Variants in ITGB6 observed in about 807,000 individuals in gnomAD.
The protein encoded by ITGB6 is integrin beta-6.
ITGB6 carries 80 observed loss-of-function variants against 84.5 expected under a neutral mutation model. The observed-to-expected ratio is 0.95, with a 90% confidence interval of 0.79 to 1.14. The LOEUF is 1.14. ITGB6 is among the 50% of genes most tolerant of loss of function. ITGB6 has a pLI of 0.00. For synonymous variants in ITGB6, 383 were observed against 354.9 expected (o/e 1.08, Z -0.89); for missense variants, 1,006 against 968.0 (o/e 1.04, Z -0.52).
At chr2:160,155,300 G>A (rs899701102) in intron 7 of ITGB6, among the ~76,000 whole-genome samples, 1 of 152,162 alleles carries the variant, frequency 6.6e-6, no homozygotes, top group Non-Finnish European at 1.5e-5. Context: ...CAGAGGTTGG[G>A]GGCCAGTAAG....
rs1382519914 is a variant in ITGB6, at chr2:160,196,218, G to T, written c.344C>A (p.Pro115Gln). The change falls in exon 3 of 15, where the codon CCA becomes CAA. Residue 115 changes from proline to glutamine, a missense_variant and splice_region_variant. Physicochemically the swap from Pro to Gln is moderately conservative, Grantham distance 76. Coordinates refer to ENST00000283249, the MANE Select transcript of ITGB6 (RefSeq NM_000888.5). Reference protein sequence around the residue: ...APQSLILKLRPGGAQTLQVHV... With the variant: ...APQSLILKLRQGGAQTLQVHV... ...ACATGAGCCAAATCCTAACATACCT[G>T]GTCTCAACTTAAGGATCAAGCTTTG... is the stretch of plus-strand genomic sequence containing the variant. 2 of 1,612,952 alleles carry T rather than the reference G, an allele frequency of 1.2e-6. No homozygotes were observed. The highest frequency in any genetic ancestry group is 4.5e-5 in the East Asian group (2 of 44,844).
Position 160,147,235 on chromosome 2 carries a change from G to T in ITGB6, c.1018-5164C>A, listed in dbSNP as rs560844666. 1.2e-4 allele frequency among the ~76,000 whole-genome samples: 19 copies of T among 152,182 alleles called. No homozygotes were observed. The South Asian group carries it at 3.9e-3, about 32-fold the overall frequency. On this transcript the variant is annotated intron_variant, in intron 7 of 14. Transcript: ENST00000283249. The stretch of plus-strand genomic sequence containing the variant: ...GCTCCCTAGTATCTTCCCTTGTATT[G>T]CCTCCCAGTCATTACTCCTCCCCAC...
At chr2:160,198,931 A>G (rs1686445802) in intron 2 of ITGB6, among the ~76,000 whole-genome samples, 1 of 152,234 alleles carries the variant, frequency 6.6e-6, no homozygotes, top group African/African-American at 2.4e-5. Flanking sequence ...AACCAGGTAA[A>G]ATAAAAAAAT....
intron 2 of ITGB6, 55 bp from the exon 3 acceptor site, chr2:160,196,475 T>C: frequency 6.9e-7 from 1 of 1,449,896 alleles, no homozygotes; most frequent in Non-Finnish European, 9.5e-7. Flanking sequence ...TCTGAATTTC[T>C]TTATAAGATA....
intron 12 of ITGB6, 150 bp from the exon 13 acceptor site, chr2:160,112,349 T>C (rs1574038595): frequency 2.8e-6 from 2 of 718,052 alleles, no homozygotes; most frequent in Non-Finnish European, 2.2e-6. Context: ...TTTTTTCTCA[T>C]GAAGTGAGGT....
intron 10 of ITGB6, among the ~76,000 whole-genome samples, chr2:160,128,776 T>A (rs929159998): frequency 7.2e-5 from 11 of 152,128 alleles, no homozygotes; most frequent in Admixed American, 1.3e-4. Context: ...CACTGCCGTG[T>A]CACCAATGCC....
intron 4 of ITGB6, among the ~76,000 whole-genome samples, chr2:160,175,652 T>C (rs1167101176): frequency 6.6e-6 from 1 of 152,220 alleles, no homozygotes; most frequent in Admixed American, 6.5e-5. Context: ...ATGTGTCTCA[T>C]TGAGAAAATA....
intron 10 of ITGB6, among the ~76,000 whole-genome samples, chr2:160,131,348 A>G (rs1432879178): frequency 1.3e-5 from 2 of 152,196 alleles, no homozygotes; most frequent in Non-Finnish European, 2.9e-5. Flanking sequence ...TTACAGATGG[A>G]TGAAAGAAGC....
intron 12 of ITGB6, among the ~76,000 whole-genome samples, chr2:160,117,503 A>G (rs1057428069): frequency 2.6e-5 from 4 of 152,252 alleles, no homozygotes; most frequent in Non-Finnish European, 4.4e-5. Context: ...TCTCTGGGAC[A>G]CATTCAAAGC....
chr2:160,199,389 G>T, intron 1 of ITGB6, 131 bp from the exon 2 acceptor site: 1 of 624,520 alleles, frequency 1.6e-6, no homozygotes, highest in Non-Finnish European at 2.9e-6. Flanking sequence ...ATCAGTCCTC[G>T]AAATGTTAGC....
Position 160,200,001 on chromosome 2 carries a change from A to G in ITGB6, c.61+2T>C. On this transcript the variant is annotated splice_donor_variant, in intron 1 of 14. Coordinates refer to ENST00000283249, the MANE Select transcript of ITGB6 (RefSeq NM_000888.5). LOFTEE classifies it high-confidence loss of function. ...TAATATATCAGAGAACGCAGGTCTT[A>G]CCTTGTACGTGATCATTCCTTCCTA... is the stretch of plus-strand genomic sequence containing the variant. The G allele has an allele frequency of 1.2e-6, 2 of 1,611,934 alleles. No individual in the cohort carries two copies. Among genetic ancestry groups the G allele is most frequent in the Non-Finnish European group, 1.7e-6 (2 of 1,178,218 alleles).
At chr2:160,178,362 T>G (rs1425695946) in intron 4 of ITGB6, among the ~76,000 whole-genome samples, 1 of 152,238 alleles carries the variant, frequency 6.6e-6, no homozygotes, top group East Asian at 1.9e-4. Context: ...GTTTAATCTA[T>G]TATTTGGGGC....
At chr2:160,149,267 G>C (rs2966382) in intron 7 of ITGB6, among the ~76,000 whole-genome samples, 3 of 152,190 alleles carry the variant, frequency 2.0e-5, no homozygotes, top group Non-Finnish European at 4.4e-5. Flanking sequence ...ATGAGACAGC[G>C]ATATTTGCTG....
At chr2:160,173,113 A>G (rs570706042) in intron 5 of ITGB6, among the ~76,000 whole-genome samples, 10 of 152,334 alleles carry the variant, frequency 6.6e-5, no homozygotes, top group African/African-American at 2.2e-4. Flanking sequence ...TCAAAATGCA[A>G]TGTTAAAGGG....
Position 160,137,727 on chromosome 2 carries a change from C to T in ITGB6, c.1367G>A (p.Cys456Tyr), listed in dbSNP as rs765605951. ...LLVSPECNCD[C>Y]QKEVEVNSSK... The stretch of plus-strand genomic sequence containing the variant: ...GCTGTTCACTTCCACTTCTTTCTGA[C>T]AGTCGCAGTTGCATTCTGGGCTGAC... The change falls in exon 10 of 15, where the codon TGT (cysteine) becomes TAT (tyrosine). Residue 456 changes from cysteine (C) to tyrosine (Y), a missense_variant. By Grantham distance (194) the Cys-to-Tyr change is radical (BLOSUM62 -2). Coordinates refer to ENST00000283249, the MANE Select transcript of ITGB6 (RefSeq NM_000888.5). The T allele has an allele frequency of 1.2e-6, 2 of 1,614,228 alleles. No individual in the cohort carries two copies. Among genetic ancestry groups the T allele is most frequent in the Non-Finnish European group, 1.7e-6 (2 of 1,180,034 alleles).
chr2:160,195,399 G>C lies in ITGB6; in HGVS notation c.563C>G (p.Thr188Arg). The C allele has an allele frequency of 6.2e-7, 1 of 1,614,158 alleles. No homozygotes were observed. Among genetic ancestry groups the C allele is most frequent in the Non-Finnish European group, 8.5e-7 (1 of 1,179,994 alleles). ...VEKPVSPFVK[T>R]TPEEIANPCS... ...AGGGTTGGCAATTTCTTCTGGTGTT[G>C]TTTTCACAAAAGGGGATACAGGTTT... Residue 188 changes from threonine to arginine, a missense_variant, in exon 4 of 15, where the codon ACA becomes AGA. Physicochemically the swap from Thr to Arg is moderately conservative, Grantham distance 71 (BLOSUM62 -1). Transcript: ENST00000283249.
chr2:160,148,405 T>C (rs1311882320), intron 7 of ITGB6, among the ~76,000 whole-genome samples: 1 of 152,172 alleles, frequency 6.6e-6, no homozygotes, highest in Non-Finnish European at 1.5e-5. Flanking sequence ...GGTAGTTTCT[T>C]GCAAAACAAA....
chr2:160,187,676 A>G lies in ITGB6; in HGVS notation c.593+7693T>C, dbSNP rs1301646506. ...ATGTAAAACAGTGCCACTCCATTTT[A>G]GAGCAGAAGGCCTGTTAATTTTTGT... On this transcript the variant is annotated intron_variant, in intron 4 of 14. Coordinates refer to ENST00000283249, the MANE Select transcript of ITGB6 (RefSeq NM_000888.5). Among the ~76,000 whole-genome samples the G allele has an allele frequency of 3.9e-5, 6 of 152,206 alleles. No individual in the cohort carries two copies. In the East Asian group the frequency reaches 1.2e-3, roughly 29 times the overall value.
intron 12 of ITGB6, among the ~76,000 whole-genome samples, chr2:160,121,010 T>A (rs1172488349): frequency 6.6e-6 from 1 of 151,022 alleles, no homozygotes; most frequent in African/African-American, 2.4e-5. Context: ...TGTATACATA[T>A]GTAACAAACC....
Sources: allele counts gnomAD v4.1 joint callset (sites outside exome capture counted in the v4.1 genomes callset), GRCh38; gene constraint gnomAD v4.1.1; transcripts MANE v1.5; gene names NCBI Gene and HGNC (gene_info 2026-07-23, HGNC 2026-07-21).